TENM2: variants seen among roughly 807,000 people sequenced by gnomAD.
TENM2 encodes teneurin-2.
In TENM2, 52 loss-of-function variants were observed where a neutral mutation model predicts 245.2. That is an observed-to-expected ratio of 0.21 (90% CI 0.17 to 0.27). TENM2 has a LOEUF of 0.27. Ranked by LOEUF, TENM2 falls within the 10% of genes least tolerant of loss-of-function variation. The pLI is 1.00. For missense variants in TENM2, 3,046 were observed against 3,666.8 expected, an observed-to-expected ratio of 0.83 and a Z score of 4.37; for synonymous variants, 1,363 against 1,438.9, an observed-to-expected ratio of 0.95 and a Z score of 1.19.
chr5:167,117,984 C>T, the TENM2 span, among the ~76,000 whole-genome samples: 3 of 152,224 alleles, frequency 2.0e-5, no homozygotes, highest in Non-Finnish European at 4.4e-5. Context: ...GGAAACACCG[C>T]AGTCCTAATC....
At chr5:167,623,288 C>T (rs1370922058) in intron 2 of TENM2, among the ~76,000 whole-genome samples, 2 of 152,124 alleles carry the variant, frequency 1.3e-5, no homozygotes. Context: ...CTGTTCTGTT[C>T]AGCAACATGA....
rs369030844 is a variant in TENM2, at chr5:167,797,509, G to A, written c.503-78477G>A. On this transcript the variant is annotated intron_variant, in intron 2 of 28. Coordinates refer to ENST00000518659, the Ensembl canonical transcript of TENM2. ...GAAGATAGATGCTCATTTTCCTATG[G>A]TAGCACCTGCAAGCGTTTGTGGCAG... Among the ~76,000 whole-genome samples, 4 of 152,224 alleles carry A rather than the reference G, an allele frequency of 2.6e-5. No individual in the cohort carries two copies. The East Asian group carries it at 7.7e-4, about 29-fold the overall frequency.
At chr5:168,198,865 C>A (rs762271693) in exon 16 of TENM2, 3 of 1,613,726 alleles carry the variant, frequency 1.9e-6, no homozygotes, top group Non-Finnish European at 2.5e-6. Context: ...TCGACCTGAT[C>A]GCAAATGGAG....
the TENM2 span, among the ~76,000 whole-genome samples, chr5:167,122,451 C>T: frequency 1.3e-5 from 2 of 152,186 alleles, no homozygotes; most frequent in Admixed American, 1.3e-4. Context: ...CTCTGACCCC[C>T]ACCCTCCCCG....
intron 25 of TENM2, among the ~76,000 whole-genome samples, chr5:168,238,263 A>AG (rs1478644152): frequency 1.4e-5 from 2 of 139,184 alleles, no homozygotes; most frequent in African/African-American, 6.2e-5. Context: ...AGAAAAGAAA[A>AG]GAAAAGAAAA....
At chr5:167,079,827 A>G in the TENM2 span, among the ~76,000 whole-genome samples, 1 of 152,210 alleles carries the variant, frequency 6.6e-6, no homozygotes, top group African/African-American at 2.4e-5. Flanking sequence ...CTTCGAGGAA[A>G]CAAAGATTTC....
chr5:167,866,552 C>T (rs184082942), intron 2 of TENM2, among the ~76,000 whole-genome samples: 180 of 150,420 alleles, frequency 1.2e-3, no homozygotes, highest in African/African-American at 4.2e-3. Flanking sequence ...CTTCCATGCA[C>T]GGAGAGAGAT....
intron 2 of TENM2, among the ~76,000 whole-genome samples, chr5:167,461,130 T>C (rs1489163068): frequency 2.0e-5 from 3 of 152,180 alleles, no homozygotes; most frequent in Non-Finnish European, 2.9e-5. Context: ...TTTGTTTTGA[T>C]GGAAAAGGTT....
intron 2 of TENM2, among the ~76,000 whole-genome samples, chr5:167,667,941 A>C (rs994562637): frequency 2.0e-5 from 3 of 152,226 alleles, no homozygotes; most frequent in African/African-American, 7.2e-5. Flanking sequence ...CTAACCAAGG[A>C]AAACACAGTA....
chr5:166,980,945 G>T, the TENM2 span, among the ~76,000 whole-genome samples: 2 of 152,144 alleles, frequency 1.3e-5, no homozygotes, highest in African/African-American at 4.8e-5. Context: ...TATGTGCCAA[G>T]AATACGTTTG....
At chr5:167,858,310 G>T (rs1190563484) in intron 2 of TENM2, among the ~76,000 whole-genome samples, 1 of 152,274 alleles carries the variant, frequency 6.6e-6, no homozygotes. Flanking sequence ...AGAGGAAGAA[G>T]CTGGGCATTT....
At chr5:168,065,936 G>T (rs1328910413) in intron 7 of TENM2, among the ~76,000 whole-genome samples, 1 of 151,702 alleles carries the variant, frequency 6.6e-6, no homozygotes, top group African/African-American at 2.4e-5. Context: ...TCCCACCCTG[G>T]AAACATTTTA....
At chr5:168,199,672 C>T (rs1761763925) in intron 16 of TENM2, among the ~76,000 whole-genome samples, 192 bp from the exon 19 acceptor site, 1 of 152,056 alleles carries the variant, frequency 6.6e-6, no homozygotes, top group Non-Finnish European at 1.5e-5. Flanking sequence ...TAACCTCAGC[C>T]CCATCACTCT....
chr5:167,956,834 G>C (rs1314608017), intron 4 of TENM2, among the ~76,000 whole-genome samples: 1 of 152,178 alleles, frequency 6.6e-6, no homozygotes, highest in Non-Finnish European at 1.5e-5. Flanking sequence ...ACTTGATCAT[G>C]GTGGAGAAGC....
intron 1 of TENM2, among the ~76,000 whole-genome samples, chr5:167,331,455 G>T (rs1390109865): frequency 1.3e-5 from 2 of 152,040 alleles, no homozygotes; most frequent in Admixed American, 6.6e-5. Flanking sequence ...CCCTTTAACT[G>T]CCCTCAACGC....
chr5:167,799,264 A>G (rs1272908229), intron 2 of TENM2, among the ~76,000 whole-genome samples: 1 of 152,240 alleles, frequency 6.6e-6, no homozygotes, highest in Non-Finnish European at 1.5e-5. Context: ...TAAATGAACA[A>G]TAATGTGCAT....
chr5:167,391,454 C>A lies in TENM2; in HGVS notation c.502+15981C>A, dbSNP rs561174082. Among the ~76,000 whole-genome samples the A allele has an allele frequency of 4.6e-5, 7 of 151,646 alleles. No individual in the cohort carries two copies. The South Asian group carries it at 1.5e-3, about 32-fold the overall frequency. ...CAGCCTGGCCAACATGGTGAAACACCGTCTCTACTAAAAATACAAAATTAG... is the reference window on the plus strand; with the variant it reads ...CAGCCTGGCCAACATGGTGAAACACAGTCTCTACTAAAAATACAAAATTAG... On this transcript the variant is annotated intron_variant, in intron 2 of 28. Coordinates refer to ENST00000518659, the Ensembl canonical transcript of TENM2.
At chr5:168,202,965 A>C (rs1762055423) in intron 17 of TENM2, among the ~76,000 whole-genome samples, 1 of 152,176 alleles carries the variant, frequency 6.6e-6, no homozygotes, top group Non-Finnish European at 1.5e-5. Flanking sequence ...AACCCATTTT[A>C]CACGTGGGGA....
At chr5:167,528,456 C>T (rs971117335) in intron 2 of TENM2, among the ~76,000 whole-genome samples, 5 of 152,054 alleles carry the variant, frequency 3.3e-5, no homozygotes, top group African/African-American at 7.2e-5. Flanking sequence ...TCTCAATCTG[C>T]GTCTGGGTAA....
Sources: allele counts gnomAD v4.1 joint callset (sites outside exome capture counted in the v4.1 genomes callset), GRCh38; gene constraint gnomAD v4.1.1; transcripts MANE v1.5; gene names NCBI Gene and HGNC (gene_info 2026-07-23, HGNC 2026-07-21).